The following GNG7 variants were observed in gnomAD, a reference collection of about 807,000 sequenced individuals.
The protein encoded by GNG7 is G protein subunit gamma 7, also known as guanine nucleotide-binding protein G(I)/G(S)/G(O) subunit gamma-7.
In GNG7, 1 loss-of-function variant was observed where a neutral mutation model predicts 4.0. The observed-to-expected ratio is 0.25, with a 90% CI of 0.09 to 1.18. GNG7 has a LOEUF of 1.18. Among genes scored for constraint, GNG7 ranks in the 50% most tolerant of loss-of-function variants. The pLI is 0.50. For missense variants in GNG7, 86 were observed against 91.9 expected, an observed-to-expected ratio of 0.94 and a Z score of 0.26; for synonymous variants, 34 against 36.9, an observed-to-expected ratio of 0.92 and a Z score of 0.29.
chr19:2,696,349 A>AG (rs59939172), intron 1 of GNG7, among the ~76,000 whole-genome samples: 1 of 147,402 alleles, frequency 6.8e-6, no homozygotes, highest in Admixed American at 6.7e-5. Flanking sequence ...AAAGAAAGAA[A>AG]AGAAAGAAAA....
At chr19:2,591,591 C>T (rs1980853353) in intron 2 of GNG7, among the ~76,000 whole-genome samples, 1 of 151,734 alleles carries the variant, frequency 6.6e-6, no homozygotes, top group African/African-American at 2.4e-5. Flanking sequence ...TCCCAAGGCT[C>T]CAGCCCAAAG....
At chr19:2,672,486 A>T (rs1486159190) in intron 1 of GNG7, among the ~76,000 whole-genome samples, 1 of 149,788 alleles carries the variant, frequency 6.7e-6, no homozygotes, top group Non-Finnish European at 1.5e-5. Context: ...TCACTCTGTC[A>T]TCCAGGCTGG....
At chr19:2,593,775 G>A (rs533381936) in intron 2 of GNG7, among the ~76,000 whole-genome samples, 42 of 137,310 alleles carry the variant, frequency 3.1e-4, no homozygotes, top group African/African-American at 8.6e-4. Flanking sequence ...TACTTTTCCC[G>A]GGGTAGCACT....
At chr19:2,587,639 G>A (rs1225595139) in intron 2 of GNG7, among the ~76,000 whole-genome samples, 1 of 152,100 alleles carries the variant, frequency 6.6e-6, no homozygotes, top group Non-Finnish European at 1.5e-5. Context: ...CGGGCCTCAT[G>A]CAGTTCACAA....
At chr19:2,531,816 GA>G (rs1249222856) in intron 3 of GNG7, among the ~76,000 whole-genome samples, 2 of 149,592 alleles carry the variant, frequency 1.3e-5, no homozygotes, top group African/African-American at 2.5e-5. Context: ...ATGCAAGTAA[GA>G]CATACGAGGA....
At chr19:2,543,221 C>CTT (rs34642408) in intron 3 of GNG7, among the ~76,000 whole-genome samples, 2,923 of 121,662 alleles carry the variant, frequency 0.024, 160 homozygotes, top group African/African-American at 0.084. Flanking sequence ...GCCTGGCCTC[C>CTT]TTTTTTTTTT....
chr19:2,519,259 TC>T (rs572337509), intron 4 of GNG7, among the ~76,000 whole-genome samples: 2 of 147,996 alleles, frequency 1.4e-5, no homozygotes, highest in African/African-American at 2.5e-5. Flanking sequence ...CAAGTGATTC[TC>T]CTGCCTCAGC....
At chr19:2,623,532 C>G (rs1320263640) in intron 2 of GNG7, among the ~76,000 whole-genome samples, 1 of 152,196 alleles carries the variant, frequency 6.6e-6, no homozygotes, top group Admixed American at 6.5e-5. Flanking sequence ...CCAACACAGG[C>G]TGCAACACGG....
At chr19:2,553,855 A>G (rs1979452357) in intron 3 of GNG7, among the ~76,000 whole-genome samples, 1 of 138,966 alleles carries the variant, frequency 7.2e-6, no homozygotes, top group Non-Finnish European at 1.6e-5. Flanking sequence ...ATACATGTAC[A>G]TATTATATGT....
In GNG7 at chr19:2,685,725, CTG is replaced by C. The variant is rs375101019; in HGVS notation, c.-135+16919_-135+16920del. 5.9e-4 allele frequency among the ~76,000 whole-genome samples: 90 copies of C among 152,282 alleles called. 2 individuals carry two copies. In the East Asian group the frequency reaches 0.015, roughly 26 times the overall value. On this transcript the variant is annotated intron_variant, in intron 1 of 4. Coordinates refer to ENST00000382159, the MANE Select transcript of GNG7 (RefSeq NM_052847.3). Reference sequence around the variant, plus strand: ...GTGGGAAGTCACGAGGCCCCGTCCACTGTGTGTCAAACGTCGGATGCCCAGTA... The same window carrying C: ...GTGGGAAGTCACGAGGCCCCGTCCACTGTGTCAAACGTCGGATGCCCAGTA...
intron 2 of GNG7, among the ~76,000 whole-genome samples, chr19:2,574,415 C>T (rs951171944): frequency 3.9e-5 from 6 of 152,226 alleles, no homozygotes; most frequent in Admixed American, 6.5e-5. Flanking sequence ...GGCACTCACT[C>T]ATCCTACTTC....
intron 1 of GNG7, among the ~76,000 whole-genome samples, chr19:2,666,502 G>C (rs1380580797): frequency 6.6e-6 from 1 of 152,022 alleles, no homozygotes; most frequent in Non-Finnish European, 1.5e-5. Context: ...CATAGAGATA[G>C]GATCTTGCTA....
At chr19:2,685,714 G>C (rs1427444093) in intron 1 of GNG7, among the ~76,000 whole-genome samples, 1 of 152,142 alleles carries the variant, frequency 6.6e-6, no homozygotes, top group Non-Finnish European at 1.5e-5. Context: ...GAAGTCACGA[G>C]GCCCCGTCCA....
chr19:2,602,721 C>G (rs1040244969), intron 2 of GNG7, among the ~76,000 whole-genome samples: 1 of 152,190 alleles, frequency 6.6e-6, no homozygotes, highest in African/African-American at 2.4e-5. Flanking sequence ...AAGCCAATCT[C>G]GGGCTGGGCA....
intron 3 of GNG7, among the ~76,000 whole-genome samples, chr19:2,543,604 C>G (rs995232775): frequency 1.3e-5 from 2 of 152,112 alleles, no homozygotes; most frequent in South Asian, 4.1e-4. Flanking sequence ...CTCCATGAGC[C>G]GAGCAAACCG....
chr19:2,630,950 G>A (rs1396564906), intron 2 of GNG7, among the ~76,000 whole-genome samples: 1 of 151,986 alleles, frequency 6.6e-6, no homozygotes, highest in Non-Finnish European at 1.5e-5. Context: ...ATACACAAGG[G>A]TTTGGACATC....
intron 2 of GNG7, among the ~76,000 whole-genome samples, chr19:2,587,321 C>A (rs1015925326): frequency 6.6e-6 from 1 of 152,176 alleles, no homozygotes; most frequent in African/African-American, 2.4e-5. Flanking sequence ...ACCTCACCTG[C>A]GTACCCTGCG....
intron 2 of GNG7, among the ~76,000 whole-genome samples, chr19:2,603,530 AT>A (rs1258028720): frequency 6.6e-6 from 1 of 152,222 alleles, no homozygotes; most frequent in Admixed American, 6.5e-5. Context: ...GAATCCAGCC[AT>A]CCCCGAGGGT....
intron 2 of GNG7, among the ~76,000 whole-genome samples, chr19:2,604,152 G>C (rs942793302): frequency 6.6e-6 from 1 of 151,842 alleles, no homozygotes; most frequent in Non-Finnish European, 1.5e-5. Flanking sequence ...GCCGGGTCTC[G>C]AGAAGTGCCT....
Sources: gnomAD v4.1 joint callset for allele counts (sites outside exome capture counted in the v4.1 genomes callset) on GRCh38, gnomAD v4.1.1 for gene constraint, MANE v1.5 for transcripts, NCBI Gene and HGNC (gene_info 2026-07-23, HGNC 2026-07-21) for gene names.